The following CELSR1 variants were observed in gnomAD, a reference collection of about 807,000 sequenced individuals.
CELSR1 encodes cadherin EGF LAG seven-pass G-type receptor 1.
A neutral mutation model predicts 249.1 loss-of-function variants in CELSR1; 110 were observed. That is an observed-to-expected ratio of 0.44 (90% confidence interval 0.38 to 0.52). The LOEUF (loss-of-function observed/expected upper bound fraction) is 0.52. CELSR1 is among the 20% of genes least tolerant of loss of function. The probability of loss-of-function intolerance (pLI) is 0.00; values close to 1 mark genes in which losing one functional copy is unlikely to be tolerated. For missense variants in CELSR1, 4,109 were observed against 4,296.4 expected, an observed-to-expected ratio of 0.96 and a Z score of 1.22; for synonymous variants, 2,113 against 1,900.0, an observed-to-expected ratio of 1.11 and a Z score of -2.92.
chr22:46,419,123 C>A (rs1003633660), intron 5 of CELSR1, among the ~76,000 whole-genome samples: 2 of 152,192 alleles, frequency 1.3e-5, no homozygotes, highest in Non-Finnish European at 2.9e-5. Context: ...GAAGCCAGGG[C>A]CATCTCAGCC....
chr22:46,403,392 CAA>C (rs61497637), intron 9 of CELSR1, among the ~76,000 whole-genome samples: 2,569 of 116,152 alleles, frequency 0.022, 76 homozygotes, highest in African/African-American at 0.066. Flanking sequence ...ACTAAAAATA[CAA>C]AAAAAAAAAA....
In CELSR1 at chr22:46,377,088, C is replaced by A; in HGVS notation, c.7557G>T (p.Val2519=). 3 of 1,613,400 alleles carry A rather than the reference C, an allele frequency of 1.9e-6. No individual in the cohort carries two copies. The highest frequency in any genetic ancestry group is 2.5e-6 in the Non-Finnish European group (3 of 1,179,872). The stretch of plus-strand genomic sequence containing the variant: ...GGTTTTCCGTCTGGTTGATCCCAAT[C>A]ACGAACACCAGCTGAGAGAGGAAGA... ...VALFLSQLVF[V]IGINQTENPF... Residue 2519 remains valine, a synonymous_variant, in exon 24 of 35, where the codon GTG becomes GTT. Transcript: ENST00000674500.
At chr22:46,456,208 C>A (rs1420799615) in intron 2 of CELSR1, among the ~76,000 whole-genome samples, 5 of 152,246 alleles carry the variant, frequency 3.3e-5, no homozygotes, top group Admixed American at 3.3e-4. Context: ...AGCACTGGCC[C>A]ACGTGCAACC....
At chr22:46,404,384 C>T (rs2079241899) in intron 9 of CELSR1, among the ~76,000 whole-genome samples, 1 of 151,780 alleles carries the variant, frequency 6.6e-6, no homozygotes, top group South Asian at 2.1e-4. Flanking sequence ...TGCACTCCAA[C>T]CTGGGAGACA....
Position 46,363,488 on chromosome 22 carries a change from C to A in CELSR1, c.9036-241G>T, listed in dbSNP as rs1228592226. ...CTTTCAGAAGAGCGCAAGGAATCCACGTTAGAAACCGGCCATCTCTACAGT... is the reference window on the plus strand; with the variant it reads ...CTTTCAGAAGAGCGCAAGGAATCCAAGTTAGAAACCGGCCATCTCTACAGT... On this transcript the variant is annotated intron_variant, in intron 34 of 34. Coordinates refer to ENST00000674500, the MANE Select transcript of CELSR1 (RefSeq NM_001378328.1). The surrounding 1 kb of genome is among the most constrained non-coding windows in gnomAD (Gnocchi z 4.3). The A allele has an allele frequency of 8.7e-6, 4 of 462,064 alleles. No homozygotes were observed. The East Asian group carries it at 1.1e-4, about 13-fold the overall frequency. 28.6% of individuals were successfully genotyped at this position (462,064 alleles called of 1,614,324 possible). A position where few individuals can be genotyped will look rare whatever the true frequency, so the allele number is the denominator to read the frequency against.
intron 2 of CELSR1, among the ~76,000 whole-genome samples, chr22:46,451,273 A>G (rs2079881243): frequency 6.6e-6 from 1 of 152,156 alleles, no homozygotes; most frequent in South Asian, 2.1e-4. Flanking sequence ...ACAAGGAGGG[A>G]GCTGGGAAGG....
At position 46,460,203 on chromosome 22, in the gene CELSR1, A is replaced by ACC. The variant is rs752048957; in HGVS notation, c.4183+3503_4183+3504insGG. On this transcript the variant is annotated intron_variant, in intron 2 of 34. Coordinates refer to ENST00000674500, the MANE Select transcript of CELSR1 (RefSeq NM_001378328.1). ...AACACACACACACACACACACACACACACACACACACACCCATTAGCTACA... is the reference window on the plus strand; with the variant it reads ...AACACACACACACACACACACACACACCCACACACACACACCCATTAGCTACA... 2.1e-3 allele frequency among the ~76,000 whole-genome samples: 274 copies of ACC among 127,810 alleles called. 3 individuals carry two copies. In the South Asian group the frequency reaches 0.024, roughly 11 times the overall value. 83.8% of individuals were successfully genotyped at this position (127,810 alleles called of 152,430 possible).
rs2079754813 is a variant in CELSR1 at position 46,441,935 on chromosome 22, G to A, written c.4184-2524C>T. The stretch of plus-strand genomic sequence containing the variant: ...AGGCTGAGGCGGGTAGATTACCAGA[G>A]GTCGAGAGTTCAAGACCAGCCTAAC... On this transcript the variant is annotated intron_variant, in intron 2 of 34. Transcript: ENST00000674500. The surrounding 1 kb of genome is among the most constrained non-coding windows in gnomAD (Gnocchi z 6.1). Among the ~76,000 whole-genome samples, 1 of 152,100 alleles carries A rather than the reference G, an allele frequency of 6.6e-6. No individual in the cohort carries two copies. The highest frequency in any genetic ancestry group is 1.5e-5 in the Non-Finnish European group (1 of 68,006).
chr22:46,410,709 G>C lies in CELSR1; in HGVS notation c.4770-148C>G. On this transcript the variant is annotated intron_variant, in intron 6 of 34. Coordinates refer to ENST00000674500, the MANE Select transcript of CELSR1 (RefSeq NM_001378328.1). This position sits in a 1 kb window ranked among gnomAD's most constrained non-coding sequence, Gnocchi z 6.8. ...AGGCGGGGAGAGGCCAAAGTCAGAG[G>C]GGGCTCCTGTGTCTGGTGCCGCCAC... 1.4e-6 allele frequency: 1 copy of C among 740,640 alleles called. No individual in the cohort carries two copies. The highest frequency in any genetic ancestry group is 1.8e-5 in the South Asian group (1 of 54,750). 45.9% of individuals were successfully genotyped at this position (740,640 alleles called of 1,614,324 possible).
At position 46,464,262 on chromosome 22, in the gene CELSR1, G is replaced by A. The variant is rs778464358; in HGVS notation, c.3628C>T (p.Arg1210Cys). The A allele has an allele frequency of 3.1e-6, 5 of 1,613,588 alleles. No homozygotes were observed. Among genetic ancestry groups the A allele is most frequent in the East Asian group, 2.2e-5 (1 of 44,890 alleles). Residue 1210 changes from arginine (R) to cysteine (C), a missense_variant, in exon 2 of 35, where the codon CGC (arginine) becomes TGC (cysteine). By Grantham distance (180) the Arg-to-Cys change is radical (BLOSUM62 -3). Coordinates refer to ENST00000674500, the MANE Select transcript of CELSR1 (RefSeq NM_001378328.1). The surrounding 1 kb of genome is among the most constrained non-coding windows in gnomAD (Gnocchi z 8.5). ...DDMLTNSITV[R>C]LENMSQEKFL... The stretch of plus-strand genomic sequence containing the variant: ...TTCTCCTGGGACATGTTCTCCAGGC[G>A]GACAGTGATGCTGTTGGTCAGCATG...
At position 46,393,042 on chromosome 22, in the gene CELSR1, C is replaced by T. The variant is rs1230627483; in HGVS notation, c.5964+1100G>A. Among the ~76,000 whole-genome samples the T allele has an allele frequency of 5.9e-5, 9 of 152,290 alleles. No individual in the cohort carries two copies. The South Asian group carries it at 1.4e-3, about 25-fold the overall frequency. On this transcript the variant is annotated intron_variant, in intron 14 of 34. Coordinates refer to ENST00000674500, the MANE Select transcript of CELSR1 (RefSeq NM_001378328.1). This position sits in a 1 kb window ranked among gnomAD's most constrained non-coding sequence, Gnocchi z 4.1. ...AAGTCCCATTTGCTGTTGGAACCACCGCAGGCACTGGGGGGGGACACTACT... is the reference window on the plus strand; with the variant it reads ...AAGTCCCATTTGCTGTTGGAACCACTGCAGGCACTGGGGGGGGACACTACT...
chr22:46,364,411 G>A, intron 33 of CELSR1, 101 bp downstream of exon 33: 5 of 1,497,294 alleles, frequency 3.3e-6, no homozygotes, highest in Non-Finnish European at 4.5e-6. Flanking sequence ...CCCAGGCCCT[G>A]ACTTGCCCCA....
Position 46,369,695 on chromosome 22 carries a change from T to A in CELSR1, c.7869A>T (p.Ile2623=). The A allele has an allele frequency of 6.2e-7, 1 of 1,613,296 alleles. No individual in the cohort carries two copies. The highest frequency in any genetic ancestry group is 1.1e-5 in the South Asian group (1 of 91,080). ...WSFAGPIGAV[I]IINTVTSVLS... ...CCCGTGAAGGCCCCACACTCACGAT[T>A]ATAACAGCTCCGATGGGCCCCGCAA... Residue 2623 remains isoleucine (I), a synonymous_variant, in exon 26 of 35, where the codon ATA becomes ATT. Coordinates refer to ENST00000674500, the MANE Select transcript of CELSR1 (RefSeq NM_001378328.1).
intron 18 of CELSR1, among the ~76,000 whole-genome samples, chr22:46,388,853 A>G (rs78396437): frequency 0.063 from 9,574 of 152,136 alleles, 350 homozygotes; most frequent in African/African-American, 0.076. Context: ...GGGAGTGGAC[A>G]TGGGGGCCCA....
At chr22:46,416,312 C>T (rs918706132) in intron 5 of CELSR1, among the ~76,000 whole-genome samples, 60 of 152,358 alleles carry the variant, frequency 3.9e-4, no homozygotes, top group African/African-American at 1.4e-3. Flanking sequence ...GAGGCCCCAG[C>T]GCCCCGGCAC....
rs1343017671 is a variant in CELSR1, at chr22:46,417,783, G to A, written c.4612-6024C>T. On this transcript the variant is annotated intron_variant, in intron 5 of 34. Transcript: ENST00000674500. The surrounding 1 kb of genome is among the most constrained non-coding windows in gnomAD (Gnocchi z 4.1). ...CTCTAGGGCTGTTTGGGAATGAAAT[G>A]AAAGGACGGATCTGAAACTGTGCAG... Among the ~76,000 whole-genome samples the A allele has an allele frequency of 6.6e-6, 1 of 152,250 alleles. No homozygotes were observed. Among genetic ancestry groups the A allele is most frequent in the Admixed American group, 6.5e-5 (1 of 15,292 alleles).
intron 1 of CELSR1, among the ~76,000 whole-genome samples, chr22:46,487,267 C>A (rs149383302): frequency 3.3e-5 from 5 of 152,148 alleles, no homozygotes; most frequent in African/African-American, 1.2e-4. Context: ...AGTTCTCGAG[C>A]TAATTGCAGA....
At chr22:46,389,550 C>T in intron 17 of CELSR1, 51 bp from the exon 18 acceptor site, 1 of 1,568,558 alleles carries the variant, frequency 6.4e-7, no homozygotes. Context: ...CGGCCGCTTT[C>T]AGTCCCTGCT....
Position 46,488,605 on chromosome 22 carries a change from T to C in CELSR1, c.3545-24260A>G, listed in dbSNP as rs2147690253. 6.6e-6 allele frequency among the ~76,000 whole-genome samples: 1 copy of C among 150,734 alleles called. No individual in the cohort carries two copies. Among genetic ancestry groups the C allele is most frequent in the South Asian group, 2.1e-4 (1 of 4,746 alleles). Reference sequence around the variant, plus strand: ...GCACCCCCCGCGCCACAGTGGAAAGTCCCCAGAAGCAGCAGTTTCTACGGC... The same window carrying C: ...GCACCCCCCGCGCCACAGTGGAAAGCCCCCAGAAGCAGCAGTTTCTACGGC... On this transcript the variant is annotated intron_variant, in intron 1 of 34. Coordinates refer to ENST00000674500, the MANE Select transcript of CELSR1 (RefSeq NM_001378328.1). This position sits in a 1 kb window ranked among gnomAD's most constrained non-coding sequence, Gnocchi z 4.7.
Sources: gnomAD v4.1 joint callset for allele counts (sites outside exome capture counted in the v4.1 genomes callset) on GRCh38, gnomAD v4.1.1 for gene constraint, Gnocchi (gnomAD v3.1) non-coding constraint, MANE v1.5 for transcripts, NCBI Gene and HGNC (gene_info 2026-07-23, HGNC 2026-07-21) for gene names.